Variants in TNFAIP6 observed in about 807,000 individuals in gnomAD.
TNFAIP6 encodes TNF alpha induced protein 6, also known as tumor necrosis factor-inducible gene 6 protein.
Under a neutral mutation model 33.7 loss-of-function variants are expected in TNFAIP6, and 36 were observed. The observed-to-expected ratio is 1.07, with a 90% confidence interval of 0.82 to 1.41. The LOEUF (loss-of-function observed/expected upper bound fraction) is 1.41, where lower values mean the gene tolerates loss of function less well. Among genes scored for constraint, TNFAIP6 ranks in the 40% most tolerant of loss-of-function variants. The pLI is 0.00. For missense variants in TNFAIP6, 273 were observed against 331.9 expected (o/e 0.82, Z 1.38); for synonymous variants, 113 against 112.8 (o/e 1.00, Z -0.01).
In TNFAIP6 at chr2:151,379,438, A is replaced by G. The variant is rs774196085; in HGVS notation, c.739A>G (p.Met247Val). The G allele has an allele frequency of 1.3e-5, 21 of 1,609,682 alleles. No homozygotes were observed. Among genetic ancestry groups the G allele is most frequent in the Non-Finnish European group, 1.8e-5 (21 of 1,178,142 alleles). The part of the protein sequence containing the change: ...AGGFQIKYVA[M>V]DPVSKSSQGK... ...AGGTTTCCAAATCAAATATGTTGCA[A>G]TGGATCCTGTATCCAAATCCAGTCA... Residue 247 changes from methionine to valine, a missense_variant, in exon 6 of 6, where the codon ATG (methionine) becomes GTG (valine). Coordinates refer to ENST00000243347, the MANE Select transcript of TNFAIP6 (RefSeq NM_007115.4).
intron 5 of TNFAIP6, among the ~76,000 whole-genome samples, chr2:151,376,196 A>G (rs1684903435): frequency 6.6e-6 from 1 of 152,154 alleles, no homozygotes; most frequent in African/African-American, 2.4e-5. Flanking sequence ...TAGTTAGCTG[A>G]GATGGCTCCA....
intron 5 of TNFAIP6, among the ~76,000 whole-genome samples, chr2:151,376,040 G>T (rs2152018680): frequency 6.6e-6 from 1 of 152,180 alleles, no homozygotes; most frequent in Admixed American, 6.5e-5. Flanking sequence ...AAGATCAGGA[G>T]TTCAAGACAG....
chr2:151,376,436 A>C (rs988584461), intron 5 of TNFAIP6, among the ~76,000 whole-genome samples: 21 of 143,366 alleles, frequency 1.5e-4, no homozygotes, highest in Admixed American at 2.8e-4. Flanking sequence ...AAAAAAAAAA[A>C]GAAAGAAAGA....
At chr2:151,380,313 A>G (rs558843472), downstream of TNFAIP6, among the ~76,000 whole-genome samples, 138 of 152,120 alleles carry the variant, frequency 9.1e-4, no homozygotes, top group African/African-American at 3.3e-3. Flanking sequence ...ATTATTATAT[A>G]TGTCCATGTT....
chr2:151,361,351 T>C (rs1156638178), intron 1 of TNFAIP6, among the ~76,000 whole-genome samples: 2 of 152,198 alleles, frequency 1.3e-5, no homozygotes, highest in African/African-American at 2.4e-5. Flanking sequence ...GCTGGAATTA[T>C]AGGCATGAGC....
Position 151,369,895 on chromosome 2 carries a change from G to A in TNFAIP6, c.395-125G>A, listed in dbSNP as rs1684783700. ...AAAGCATACATAATATACCATAGAT[G>A]CTGTATACTAAGACATTTAACATTT... On this transcript the variant is annotated intron_variant, in intron 3 of 5. Coordinates refer to ENST00000243347, the MANE Select transcript of TNFAIP6 (RefSeq NM_007115.4). The A allele has an allele frequency of 4.4e-5, 30 of 675,352 alleles. No homozygotes were observed. In the South Asian group the frequency reaches 5.3e-4, roughly 12 times the overall value. 41.8% of individuals were successfully genotyped at this position (675,352 alleles called of 1,614,324 possible). A position where few individuals can be genotyped will look rare whatever the true frequency, so the allele number is the denominator to read the frequency against.
At chr2:151,358,327 T>G (rs1684568919) in intron 1 of TNFAIP6, among the ~76,000 whole-genome samples, 1 of 152,236 alleles carries the variant, frequency 6.6e-6, no homozygotes, top group Non-Finnish European at 1.5e-5. Context: ...TCTTTCTGTT[T>G]CTACTATCCA....
intron 5 of TNFAIP6, among the ~76,000 whole-genome samples, chr2:151,379,096 T>C (rs989973276): frequency 6.6e-6 from 1 of 151,950 alleles, no homozygotes; most frequent in African/African-American, 2.4e-5. Flanking sequence ...TGAGTGAGAC[T>C]CCATCTCAAA....
At position 151,364,701 on chromosome 2, in the gene TNFAIP6, C is replaced by T. The variant is rs571440801; in HGVS notation, c.232+621C>T. Among the ~76,000 whole-genome samples the T allele has an allele frequency of 2.0e-5, 3 of 152,274 alleles. No homozygotes were observed. In the South Asian group the frequency reaches 6.2e-4, roughly 32 times the overall value. On this transcript the variant is annotated intron_variant, in intron 2 of 5. Coordinates refer to ENST00000243347, the MANE Select transcript of TNFAIP6 (RefSeq NM_007115.4). Reference sequence around the variant, plus strand: ...TTCTTTATACAAAAGTGGATTGCTACCATCTCTCTTGGCCTTTGGGGAGAA... The same window carrying T: ...TTCTTTATACAAAAGTGGATTGCTATCATCTCTCTTGGCCTTTGGGGAGAA...
chr2:151,378,769 G>A (rs953889944), intron 5 of TNFAIP6, among the ~76,000 whole-genome samples: 2 of 151,652 alleles, frequency 1.3e-5, no homozygotes, highest in African/African-American at 2.4e-5. Flanking sequence ...GATTACAGGC[G>A]TGACCCACCA....
At chr2:151,367,853 G>T (rs1684741464) in intron 3 of TNFAIP6, among the ~76,000 whole-genome samples, 14 of 149,210 alleles carry the variant, frequency 9.4e-5, no homozygotes, top group Non-Finnish European at 3.0e-5. Context: ...AACATCACTG[G>T]AATAAAAAAA....
At chr2:151,369,952 A>AT in intron 3 of TNFAIP6, 68 bp from the exon 4 acceptor site, 1 of 1,234,872 alleles carries the variant, frequency 8.1e-7, no homozygotes, top group African/African-American at 1.5e-5. Context: ...AAGAAATGTC[A>AT]TTTTTAACAG....
At chr2:151,368,410 C>T (rs1447809614) in intron 3 of TNFAIP6, 2 of 147,936 alleles carry the variant, frequency 1.4e-5, no homozygotes, top group Admixed American at 1.3e-4. Flanking sequence ...GGCTGGGGAG[C>T]ATCTTTTTTC....
intron 1 of TNFAIP6, among the ~76,000 whole-genome samples, chr2:151,361,142 C>G (rs1684618589): frequency 6.6e-6 from 1 of 151,962 alleles, no homozygotes; most frequent in African/African-American, 2.4e-5. Context: ...GTGGCATGAT[C>G]TCTGCTCACT....
intron 2 of TNFAIP6, among the ~76,000 whole-genome samples, chr2:151,365,557 T>A (rs1042274642): frequency 2.0e-4 from 31 of 152,116 alleles, no homozygotes; most frequent in African/African-American, 7.2e-4. Context: ...GAGAATTGCT[T>A]GAACCCAGGA....
chr2:151,379,466 G>A lies in TNFAIP6; in HGVS notation c.767G>A (p.Gly256Glu), dbSNP rs754315587. 122 of 1,597,380 alleles carry A rather than the reference G, an allele frequency of 7.6e-5. No homozygotes were observed. Among genetic ancestry groups the A allele is most frequent in the Admixed American group, 1.0e-4 (6 of 57,338 alleles). The change falls in exon 6 of 6, where the codon GGA becomes GAA. Residue 256 changes from glycine (G) to glutamate (E), a missense_variant. Transcript: ENST00000243347. ...AMDPVSKSSQ[G>E]KNTSTTSTGN... ...GATCCTGTATCCAAATCCAGTCAAG[G>A]AAAAAATACAAGTACTACTTCTACT...
At chr2:151,369,337 A>G (rs1684772237) in intron 3 of TNFAIP6, among the ~76,000 whole-genome samples, 1 of 152,182 alleles carries the variant, frequency 6.6e-6, no homozygotes, top group African/African-American at 2.4e-5. Flanking sequence ...TTTATTTTTT[A>G]GAGCTGGAGG....
chr2:151,373,087 G>A (rs1361715771), intron 4 of TNFAIP6, among the ~76,000 whole-genome samples: 2 of 152,076 alleles, frequency 1.3e-5, no homozygotes, highest in African/African-American at 4.8e-5. Context: ...AGAAGCTGAG[G>A]CGGGAGGATC....
At chr2:151,360,590 C>A (rs1231358418) in intron 1 of TNFAIP6, among the ~76,000 whole-genome samples, 3 of 152,058 alleles carry the variant, frequency 2.0e-5, no homozygotes, top group Non-Finnish European at 4.4e-5. Flanking sequence ...TACAAAGGTC[C>A]ATCTTAATAG....
Sources: allele counts gnomAD v4.1 joint callset (sites outside exome capture counted in the v4.1 genomes callset), GRCh38; gene constraint gnomAD v4.1.1; transcripts MANE v1.5; gene names NCBI Gene and HGNC (gene_info 2026-07-23, HGNC 2026-07-21).